FILIP1L: variants seen among roughly 807,000 people sequenced by gnomAD.
FILIP1L encodes the protein filamin A interacting protein 1 like, also known as filamin A-interacting protein 1-like.
Under a neutral mutation model 96.6 loss-of-function variants are expected in FILIP1L, and 55 were observed. The observed-to-expected ratio is 0.57, with a 90% confidence interval of 0.46 to 0.71. The LOEUF is 0.71. FILIP1L is among the 30% of genes least tolerant of loss of function. The pLI, the probability that FILIP1L is intolerant of heterozygous loss-of-function variation, is 0.00. For synonymous variants in FILIP1L, 467 were observed against 473.9 expected (o/e 0.99, Z 0.19); for missense variants, 1,304 against 1,321.2 (o/e 0.99, Z 0.20).
intron 1 of FILIP1L, among the ~76,000 whole-genome samples, chr3:100,104,568 A>G (rs1445031609): frequency 2.6e-5 from 4 of 152,206 alleles, no homozygotes; most frequent in African/African-American, 9.7e-5. Flanking sequence ...GACAGTGACC[A>G]AGGCAGAGAA....
intron 1 of FILIP1L, among the ~76,000 whole-genome samples, chr3:100,039,254 T>C (rs1040275863): frequency 6.6e-6 from 1 of 152,156 alleles, no homozygotes; most frequent in Non-Finnish European, 1.5e-5. Flanking sequence ...TAACTTGACC[T>C]CAAAAAACTG....
chr3:100,098,205 A>G (rs1033626756), intron 1 of FILIP1L, among the ~76,000 whole-genome samples: 1 of 152,296 alleles, frequency 6.6e-6, no homozygotes. Flanking sequence ...TTCACATTTT[A>G]TGACAGGTAA....
At chr3:99,860,080 T>C (rs138671932) in intron 4 of FILIP1L, among the ~76,000 whole-genome samples, 1 of 152,360 alleles carries the variant, frequency 6.6e-6, no homozygotes, top group East Asian at 1.9e-4. Flanking sequence ...GTCTGCTTTA[T>C]GTCCTTGTTA....
In FILIP1L at chr3:100,062,093, C is replaced by CTTTTTTTTTTT. The variant is rs71907944; in HGVS notation, c.-11+51949_-11+51959dup. 2.0e-3 allele frequency among the ~76,000 whole-genome samples: 104 copies of CTTTTTTTTTTT among 53,178 alleles called. 25 individuals carry two copies. The highest frequency in any genetic ancestry group is 4.0e-3 in the African/African-American group (45 of 11,240). The allele number at this position is 53,178 out of a possible 152,430, so 34.9% of individuals were successfully genotyped here. ...CCACTTGTGGTTATCCTGTCTTCTT[C>CTTTTTTTTTTT]TTTTTTTTTTTTTTTTTTTTTTTTT... On this transcript the variant is annotated intron_variant, in intron 1 of 5. Coordinates refer to ENST00000477258, the MANE Select transcript of FILIP1L (RefSeq NM_001387850.1).
chr3:99,933,056 A>G (rs1249340522), intron 1 of FILIP1L, among the ~76,000 whole-genome samples: 1 of 152,216 alleles, frequency 6.6e-6, no homozygotes, highest in African/African-American at 2.4e-5. Context: ...TCCATTTTAC[A>G]GTGAACAAAT....
At chr3:100,023,741 G>C (rs16841886) in intron 1 of FILIP1L, among the ~76,000 whole-genome samples, 1 of 151,938 alleles carries the variant, frequency 6.6e-6, no homozygotes. Flanking sequence ...GCCTGGTCTC[G>C]CCATTGCAAA....
chr3:100,049,327 G>A (rs1575988727), intron 1 of FILIP1L, among the ~76,000 whole-genome samples: 1 of 152,188 alleles, frequency 6.6e-6, no homozygotes, highest in Non-Finnish European at 1.5e-5. Flanking sequence ...CTTCTAGCTT[G>A]TTATGAAACC....
Position 99,904,210 on chromosome 3 carries a change from G to T in FILIP1L, c.605+20020C>A, listed in dbSNP as rs372309481. Among the ~76,000 whole-genome samples the T allele has an allele frequency of 4.6e-5, 7 of 152,310 alleles. No homozygotes were observed. In the East Asian group the frequency reaches 9.6e-4, roughly 21 times the overall value. On this transcript the variant is annotated intron_variant, in intron 4 of 5. Transcript: ENST00000477258. ...ATGGCTTTCATTACAATAAACAAAG[G>T]TCTATAAGGGCCATAGGCCAGATTG...
chr3:99,848,711 A>C lies in FILIP1L; in HGVS notation c.2965T>G (p.Ser989Ala). Residue 989 changes from serine to alanine, a missense_variant, in exon 5 of 6, where the codon TCT becomes GCT. By Grantham distance (99) the Ser-to-Ala change is moderately conservative (BLOSUM62 1). Coordinates refer to ENST00000477258, the MANE Select transcript of FILIP1L (RefSeq NM_001387850.1). ...ATFARAQTPESCGSLTPERTM... is the reference protein window; with the variant it reads ...ATFARAQTPEACGSLTPERTM... Reference sequence around the variant, plus strand: ...CTTTCTGGAGTTAGAGAACCACAAGACTCTGGGGTCTGTGCTCTGGCAAAG... The same window carrying C: ...CTTTCTGGAGTTAGAGAACCACAAGCCTCTGGGGTCTGTGCTCTGGCAAAG... The C allele has an allele frequency of 6.2e-7, 1 of 1,613,892 alleles. No individual in the cohort carries two copies. Among genetic ancestry groups the C allele is most frequent in the Non-Finnish European group, 8.5e-7 (1 of 1,179,980 alleles).
chr3:99,940,534 G>T (rs1707820314), intron 1 of FILIP1L, among the ~76,000 whole-genome samples: 1 of 152,150 alleles, frequency 6.6e-6, no homozygotes, highest in Admixed American at 6.5e-5. Flanking sequence ...ATGTGCCTAT[G>T]GTCATGCCCT....
chr3:100,029,564 A>G (rs985250331), intron 1 of FILIP1L, among the ~76,000 whole-genome samples: 3 of 152,216 alleles, frequency 2.0e-5, no homozygotes, highest in African/African-American at 7.2e-5. Flanking sequence ...TATTAAAGAC[A>G]TAGCTTTTCT....
intron 1 of FILIP1L, among the ~76,000 whole-genome samples, chr3:100,046,988 A>G (rs2065287995): frequency 1.3e-5 from 2 of 152,238 alleles, no homozygotes; most frequent in South Asian, 4.1e-4. Context: ...ATTTAAGTAA[A>G]TATAATAATT....
chr3:99,894,121 G>C (rs1477333356), intron 4 of FILIP1L, among the ~76,000 whole-genome samples: 2 of 152,228 alleles, frequency 1.3e-5, no homozygotes, highest in African/African-American at 4.8e-5. Context: ...CAGAAAGTAA[G>C]ACAAATCTCC....
At chr3:99,924,851 T>C (rs182103797) in intron 3 of FILIP1L, among the ~76,000 whole-genome samples, 165 of 152,258 alleles carry the variant, frequency 1.1e-3, no homozygotes, top group African/African-American at 3.8e-3. Context: ...CCTTGTTTAG[T>C]GTTTATTCTC....
At chr3:100,014,826 T>C (rs1287995872) in intron 1 of FILIP1L, among the ~76,000 whole-genome samples, 1 of 147,978 alleles carries the variant, frequency 6.8e-6, no homozygotes, top group East Asian at 2.0e-4. Context: ...TTTTTTTTGC[T>C]GTGTCAAAAC....
intron 1 of FILIP1L, among the ~76,000 whole-genome samples, chr3:99,966,562 C>T (rs1708658609): frequency 6.6e-6 from 1 of 152,200 alleles, no homozygotes; most frequent in Admixed American, 6.5e-5. Context: ...ACTTTATAAA[C>T]ATTCAACAAG....
chr3:99,887,402 A>G (rs1020581192), intron 4 of FILIP1L, among the ~76,000 whole-genome samples: 3 of 152,202 alleles, frequency 2.0e-5, no homozygotes, highest in East Asian at 1.9e-4. Flanking sequence ...TGGATTTACT[A>G]TAGTCATTGG....
chr3:99,894,677 C>T (rs191498212), intron 4 of FILIP1L, among the ~76,000 whole-genome samples: 223 of 152,184 alleles, frequency 1.5e-3, no homozygotes, highest in Non-Finnish European at 2.7e-3. Context: ...CTCATAAAAA[C>T]GATATTATTA....
At position 100,062,093 on chromosome 3, in the gene FILIP1L, C is replaced by CTTTTTTTTTTTTTTTTTTTTT. The variant is rs71907944; in HGVS notation, c.-11+51939_-11+51959dup. 2.6e-4 allele frequency among the ~76,000 whole-genome samples: 14 copies of CTTTTTTTTTTTTTTTTTTTTT among 53,154 alleles called. 3 individuals are homozygous for CTTTTTTTTTTTTTTTTTTTTT. The highest frequency in any genetic ancestry group is 4.5e-4 in the African/African-American group (5 of 11,212). The allele number at this position is 53,154 out of a possible 152,430, so 34.9% of individuals were successfully genotyped here. Reference sequence around the variant, plus strand: ...CCACTTGTGGTTATCCTGTCTTCTTCTTTTTTTTTTTTTTTTTTTTTTTTT... The same window carrying CTTTTTTTTTTTTTTTTTTTTT: ...CCACTTGTGGTTATCCTGTCTTCTTCTTTTTTTTTTTTTTTTTTTTTTTTTTTTTTTTTTTTTTTTTTTTTT... On this transcript the variant is annotated intron_variant, in intron 1 of 5. Transcript: ENST00000477258.
Sources: gnomAD v4.1 joint callset for allele counts (sites outside exome capture counted in the v4.1 genomes callset) on GRCh38, gnomAD v4.1.1 for gene constraint, MANE v1.5 for transcripts, NCBI Gene and HGNC (gene_info 2026-07-23, HGNC 2026-07-21) for gene names.